The following DCLK1 variants were observed in gnomAD, a reference collection of about 807,000 sequenced individuals.
DCLK1 encodes serine/threonine-protein kinase DCLK1.
Under a neutral mutation model 86.2 loss-of-function variants are expected in DCLK1, and 16 were observed. That is an observed-to-expected ratio of 0.19 (90% CI 0.13 to 0.28). The LOEUF (loss-of-function observed/expected upper bound fraction) is 0.28. DCLK1 is among the 10% of genes least tolerant of loss of function. DCLK1 has a pLI of 1.00. For missense variants in DCLK1, 590 were observed against 940.2 expected (o/e 0.63, Z 4.87); for synonymous variants, 369 against 370.5 (o/e 1.00, Z 0.05).
chr13:36,089,006 A>T (rs1884717280), intron 3 of DCLK1, among the ~76,000 whole-genome samples: 1 of 152,246 alleles, frequency 6.6e-6, no homozygotes, highest in Admixed American at 6.5e-5. Flanking sequence ...TAAAAGAAAC[A>T]AAATTTTATT....
At chr13:35,854,681 A>T in intron 5 of DCLK1, 88 bp from the exon 6 acceptor site, 1 of 1,185,464 alleles carries the variant, frequency 8.4e-7, no homozygotes, top group Admixed American at 2.6e-5. Flanking sequence ...ATAAACAATT[A>T]TATAGAGAGC....
Position 36,117,057 on chromosome 13 carries a change from C to T in DCLK1, c.377-4842G>A, listed in dbSNP as rs1169988993. On this transcript the variant is annotated intron_variant, in intron 2 of 16. Transcript: ENST00000360631. ...TCTTTTGCAGAAGTCTTCCGTAACACAATAGAACATAAAAGTAAGCTTATA... is the reference window on the plus strand; with the variant it reads ...TCTTTTGCAGAAGTCTTCCGTAACATAATAGAACATAAAAGTAAGCTTATA... 4.8e-4 allele frequency among the ~76,000 whole-genome samples: 73 copies of T among 151,708 alleles called. 2 individuals carry two copies. Among genetic ancestry groups the T allele is most frequent in the Admixed American group, 4.8e-3 (73 of 15,218 alleles).
chr13:35,941,850 AC>A (rs1593753398), intron 4 of DCLK1, among the ~76,000 whole-genome samples: 1 of 152,300 alleles, frequency 6.6e-6, no homozygotes, highest in East Asian at 1.9e-4. Context: ...AAAATATGAT[AC>A]CCCTACAATC....
At chr13:35,962,933 G>A (rs1057123248) in intron 3 of DCLK1, among the ~76,000 whole-genome samples, 3 of 152,136 alleles carry the variant, frequency 2.0e-5, no homozygotes, top group Non-Finnish European at 4.4e-5. Flanking sequence ...TTTGTTCATT[G>A]TTAGTTGTTT....
At position 36,047,446 on chromosome 13, in the gene DCLK1, T is replaced by A. The variant is rs190705404; in HGVS notation, c.723+64423A>T. Among the ~76,000 whole-genome samples, 3 of 152,272 alleles carry A rather than the reference T, an allele frequency of 2.0e-5. No individual in the cohort carries two copies. The East Asian group carries it at 5.8e-4, about 29-fold the overall frequency. ...ATCTAAGTGTCAATCAATGGATAGA[T>A]ACATGGGTTAAAAACATAGTATATA... On this transcript the variant is annotated intron_variant, in intron 3 of 16. Coordinates refer to ENST00000360631, the MANE Select transcript of DCLK1 (RefSeq NM_001330071.2).
chr13:35,781,893 A>ACC (rs1471135437), intron 16 of DCLK1, among the ~76,000 whole-genome samples: 6 of 152,274 alleles, frequency 3.9e-5, no homozygotes, highest in Middle Eastern at 3.4e-3. Flanking sequence ...TGACAAATCG[A>ACC]TTGAAATATC....
chr13:36,056,657 CA>C (rs67040436), intron 3 of DCLK1, among the ~76,000 whole-genome samples: 1,390 of 129,078 alleles, frequency 0.011, 34 homozygotes, highest in African/African-American at 0.042. Flanking sequence ...CCAGAGCACA[CA>C]AAAAAAAAAA....
intron 4 of DCLK1, among the ~76,000 whole-genome samples, chr13:35,879,860 A>T (rs779172971): frequency 2.6e-5 from 4 of 152,072 alleles, no homozygotes; most frequent in Non-Finnish European, 5.9e-5. Context: ...GGCCTCACCC[A>T]CTAGATGCCA....
intron 3 of DCLK1, among the ~76,000 whole-genome samples, chr13:36,098,609 A>C (rs139406063): frequency 1.3e-5 from 2 of 152,240 alleles, no homozygotes; most frequent in African/African-American, 4.8e-5. Flanking sequence ...CCAATCCTCA[A>C]AATAGATCCA....
intron 3 of DCLK1, among the ~76,000 whole-genome samples, chr13:36,044,132 C>T (rs1882791622): frequency 6.6e-6 from 1 of 152,190 alleles, no homozygotes; most frequent in Non-Finnish European, 1.5e-5. Flanking sequence ...TTTCCTTCCC[C>T]TCTCTTGCTC....
At chr13:36,089,841 T>C (rs1884752938) in intron 3 of DCLK1, among the ~76,000 whole-genome samples, 1 of 152,208 alleles carries the variant, frequency 6.6e-6, no homozygotes, top group Admixed American at 6.5e-5. Context: ...TGATGGCACT[T>C]TGATCTCCAT....
intron 3 of DCLK1, among the ~76,000 whole-genome samples, chr13:36,076,376 A>G (rs976315228): frequency 1.3e-5 from 2 of 152,128 alleles, no homozygotes; most frequent in Non-Finnish European, 2.9e-5. Context: ...AGTCTTCCTG[A>G]CAGAATAAAA....
At chr13:36,130,720 C>T (rs887263561) in intron 1 of DCLK1, among the ~76,000 whole-genome samples, 1 of 152,128 alleles carries the variant, frequency 6.6e-6, no homozygotes, top group South Asian at 2.1e-4. Flanking sequence ...AGGCCGGGCC[C>T]GGCCACTCCT....
intron 16 of DCLK1, among the ~76,000 whole-genome samples, chr13:35,786,302 T>C (rs911080373): frequency 1.4e-4 from 21 of 152,244 alleles, no homozygotes; most frequent in African/African-American, 3.9e-4. Flanking sequence ...AACACAAATA[T>C]GCACAACTAT....
chr13:35,926,147 C>T (rs908972943), intron 4 of DCLK1, among the ~76,000 whole-genome samples: 8 of 151,972 alleles, frequency 5.3e-5, no homozygotes, highest in Non-Finnish European at 1.2e-4. Flanking sequence ...CAATGTCTGC[C>T]GCCCAGGTTC....
chr13:36,040,488 A>G (rs1304136768), intron 3 of DCLK1, among the ~76,000 whole-genome samples: 1 of 151,194 alleles, frequency 6.6e-6, no homozygotes, highest in East Asian at 2.0e-4. Context: ...TCCTTATAAC[A>G]CTAAGTGCAT....
chr13:36,105,986 G>A (rs574703728), intron 3 of DCLK1, among the ~76,000 whole-genome samples: 1 of 152,234 alleles, frequency 6.6e-6, no homozygotes, highest in Non-Finnish European at 1.5e-5. Flanking sequence ...CAGTAGACTT[G>A]TAAACGTCCC....
chr13:35,890,306 G>C (rs746147141), intron 4 of DCLK1, among the ~76,000 whole-genome samples: 1 of 152,056 alleles, frequency 6.6e-6, no homozygotes. Context: ...ATGTGTGTAT[G>C]TGTTTTCCGG....
At chr13:36,124,373 G>T (rs1001631717) in intron 2 of DCLK1, among the ~76,000 whole-genome samples, 3 of 152,154 alleles carry the variant, frequency 2.0e-5, no homozygotes, top group Admixed American at 6.5e-5. Context: ...AAGTCCACAG[G>T]CATGTTGGCA....
Sources: allele counts gnomAD v4.1 joint callset (sites outside exome capture counted in the v4.1 genomes callset), GRCh38; gene constraint gnomAD v4.1.1; transcripts MANE v1.5; gene names NCBI Gene and HGNC (gene_info 2026-07-23, HGNC 2026-07-21).